The following SCFD2 variants were observed in gnomAD, a reference collection of about 807,000 sequenced individuals.
The protein encoded by SCFD2 is sec1 family domain containing 2.
In SCFD2, 54 loss-of-function variants were observed where a neutral mutation model predicts 58.9. The ratio of observed to expected loss-of-function variants is 0.92; its 90% CI spans 0.74 to 1.15. The LOEUF is 1.15. Among genes scored for constraint, SCFD2 ranks in the 50% most tolerant of loss-of-function variants. SCFD2 has a pLI of 0.00. For missense variants in SCFD2, 805 were observed against 836.6 expected, an observed-to-expected ratio of 0.96 and a Z score of 0.47; for synonymous variants, 321 against 335.9, an observed-to-expected ratio of 0.96 and a Z score of 0.49.
intron 4 of SCFD2, among the ~76,000 whole-genome samples, chr4:53,167,581 T>C (rs768208852): frequency 3.3e-5 from 5 of 152,214 alleles, no homozygotes; most frequent in Non-Finnish European, 5.9e-5. Context: ...AGGCTTTTTC[T>C]GATGCTACTT....
intron 4 of SCFD2, among the ~76,000 whole-genome samples, chr4:53,272,513 A>G (rs1232507439): frequency 6.6e-6 from 1 of 152,234 alleles, no homozygotes; most frequent in Non-Finnish European, 1.5e-5. Flanking sequence ...ATGGAACACT[A>G]TGCAGCCATA....
chr4:52,960,139 T>C (rs577859666), intron 5 of SCFD2, among the ~76,000 whole-genome samples: 6 of 152,292 alleles, frequency 3.9e-5, no homozygotes, highest in Middle Eastern at 3.4e-3. Context: ...TTTTGGCCTA[T>C]TTATGTTTGT....
chr4:53,198,160 G>A (rs573770045), intron 4 of SCFD2, among the ~76,000 whole-genome samples: 18 of 152,032 alleles, frequency 1.2e-4, no homozygotes, highest in African/African-American at 3.6e-4. Flanking sequence ...CTGGAAATAC[G>A]AGTGATTGCA....
At position 53,313,648 on chromosome 4, in the gene SCFD2, T is replaced by C. The variant is rs1418501681; in HGVS notation, c.1123A>G (p.Lys375Glu). 2.5e-6 allele frequency: 4 copies of C among 1,613,872 alleles called. No homozygotes were observed. The African/African-American group carries it at 5.3e-5, about 22-fold the overall frequency. ...GGTTTAGGCTTACCCATACTCATCT[T>C]GATTGGCAGGTTTTCTCTGCTTGCC... ...EAASRENLPI[K>E]MSMGRVTPGQ... The change falls in exon 3 of 9, where the codon AAG becomes GAG. Residue 375 changes from lysine to glutamate, a missense_variant. This residue lies in a region of SCFD2 where 633 missense variants were observed against 646.8 expected (regional missense o/e 0.98). Transcript: ENST00000401642.
intron 4 of SCFD2, among the ~76,000 whole-genome samples, chr4:53,184,776 C>T (rs572780243): frequency 2.0e-4 from 31 of 152,146 alleles, no homozygotes; most frequent in African/African-American, 7.2e-4. Flanking sequence ...GCAAAAAGAA[C>T]TACTCTTGTT....
chr4:53,292,835 T>C (rs1731887674), intron 3 of SCFD2, among the ~76,000 whole-genome samples: 1 of 147,662 alleles, frequency 6.8e-6, no homozygotes, highest in African/African-American at 2.5e-5. Flanking sequence ...ATAAAGAAAA[T>C]GTGGTGGGGA....
intron 5 of SCFD2, among the ~76,000 whole-genome samples, chr4:52,929,762 T>C (rs932835944): frequency 3.9e-5 from 6 of 152,036 alleles, no homozygotes; most frequent in East Asian, 1.9e-4. Context: ...CCAGGAAGCA[T>C]TGCTACAAAA....
intron 2 of SCFD2, among the ~76,000 whole-genome samples, chr4:53,319,052 C>T (rs1374568206): frequency 6.6e-6 from 1 of 152,178 alleles, no homozygotes; most frequent in Non-Finnish European, 1.5e-5. Flanking sequence ...TTATATTATG[C>T]AAATCATCAA....
chr4:53,000,937 C>T (rs1446932116), intron 5 of SCFD2, among the ~76,000 whole-genome samples: 1 of 152,190 alleles, frequency 6.6e-6, no homozygotes, highest in Non-Finnish European at 1.5e-5. Context: ...TTGGGGACCC[C>T]TGCTCTAGAA....
At chr4:53,112,629 A>G (rs1725205484) in intron 5 of SCFD2, among the ~76,000 whole-genome samples, 2 of 152,124 alleles carry the variant, frequency 1.3e-5, no homozygotes, top group Admixed American at 1.3e-4. Context: ...CAGGTTTTAG[A>G]ACCAGGCTCA....
intron 5 of SCFD2, among the ~76,000 whole-genome samples, chr4:53,077,956 G>A (rs184122569): frequency 7.8e-4 from 119 of 152,228 alleles, no homozygotes; most frequent in Non-Finnish European, 6.6e-4. Context: ...TTCTACGTGA[G>A]AGCTTGGTGT....
chr4:53,080,687 A>G (rs1349168609), intron 5 of SCFD2, among the ~76,000 whole-genome samples: 6 of 152,162 alleles, frequency 3.9e-5, no homozygotes, highest in Admixed American at 6.6e-5. Flanking sequence ...GTTGTGGGAA[A>G]TCTTCATTTA....
At chr4:53,018,159 C>T (rs1177245322) in intron 5 of SCFD2, among the ~76,000 whole-genome samples, 1 of 152,152 alleles carries the variant, frequency 6.6e-6, no homozygotes, top group East Asian at 1.9e-4. Flanking sequence ...AACCCCAGGG[C>T]TCATGATAGG....
intron 4 of SCFD2, among the ~76,000 whole-genome samples, chr4:53,227,363 T>C (rs1368061645): frequency 6.6e-6 from 1 of 152,194 alleles, no homozygotes; most frequent in Non-Finnish European, 1.5e-5. Flanking sequence ...GAAATTCTCC[T>C]GTGTAGCCAA....
chr4:53,167,245 T>C (rs1275704516), intron 4 of SCFD2, among the ~76,000 whole-genome samples: 1 of 152,238 alleles, frequency 6.6e-6, no homozygotes, highest in Non-Finnish European at 1.5e-5. Context: ...GAATACTCTG[T>C]AGCCTTTTCT....
intron 5 of SCFD2, among the ~76,000 whole-genome samples, chr4:52,939,736 G>GAA (rs34583625): frequency 1.5e-5 from 2 of 136,956 alleles, no homozygotes; most frequent in African/African-American, 5.4e-5. Flanking sequence ...AAGAAAAAAT[G>GAA]AAAAAAAAAA....
intron 4 of SCFD2, among the ~76,000 whole-genome samples, chr4:53,261,308 T>A (rs1730821928): frequency 6.6e-6 from 1 of 152,180 alleles, no homozygotes; most frequent in Admixed American, 6.5e-5. Flanking sequence ...CTGTAGTTTC[T>A]TGAGATGTGA....
intron 5 of SCFD2, among the ~76,000 whole-genome samples, chr4:53,021,217 T>C (rs1464237957): frequency 1.3e-5 from 2 of 152,198 alleles, no homozygotes. Flanking sequence ...CAAATCTAAA[T>C]GACCTGAATA....
At chr4:52,960,095 A>T (rs996296553) in intron 5 of SCFD2, among the ~76,000 whole-genome samples, 1 of 151,962 alleles carries the variant, frequency 6.6e-6, no homozygotes, top group Admixed American at 6.6e-5. Context: ...TGTCCCTCTC[A>T]CCCTATTATC....
Sources: allele counts gnomAD v4.1 joint callset (sites outside exome capture counted in the v4.1 genomes callset), GRCh38; gene constraint gnomAD v4.1.1; regional missense constraint gnomAD v4.1.1; transcripts MANE v1.5; gene names NCBI Gene and HGNC (gene_info 2026-07-23, HGNC 2026-07-21).